AKAP19: variants seen among roughly 807,000 people sequenced by gnomAD.
AKAP19 encodes the protein A-kinase anchoring protein 19, also known as small A-kinase anchoring protein.
At chr2:190,192,967 T>A in the AKAP19 span, among the ~76,000 whole-genome samples, 1 of 152,104 alleles carries the variant, frequency 6.6e-6, no homozygotes, top group African/African-American at 2.4e-5. Context: ...AATGGCAGTT[T>A]TCTCCTTCTC....
At chr2:190,021,089 A>G in the AKAP19 span, among the ~76,000 whole-genome samples, 11 of 152,214 alleles carry the variant, frequency 7.2e-5, no homozygotes, top group African/African-American at 2.4e-4. Flanking sequence ...TACTCTGAAC[A>G]TGGATATCCA....
the AKAP19 span, chr2:190,199,956 G>C: frequency 1.2e-6 from 2 of 1,614,142 alleles, no homozygotes; most frequent in Non-Finnish European, 1.7e-6. Flanking sequence ...TGCCAGAAGA[G>C]AGATGTCTAC....
the AKAP19 span, among the ~76,000 whole-genome samples, chr2:190,045,618 G>T: frequency 6.6e-6 from 1 of 152,172 alleles, no homozygotes; most frequent in African/African-American, 2.4e-5. Context: ...AAGATGGGAA[G>T]CCCACCCCTA....
the AKAP19 span, chr2:189,923,641 G>A: frequency 1.4e-5 from 22 of 1,614,046 alleles, no homozygotes; most frequent in Middle Eastern, 1.6e-4. Flanking sequence ...GATCTGCAGC[G>A]GAGATGTACG....
At chr2:190,058,464 T>C in the AKAP19 span, among the ~76,000 whole-genome samples, 2 of 151,960 alleles carry the variant, frequency 1.3e-5, no homozygotes, top group Admixed American at 6.6e-5. Context: ...AATAATAATA[T>C]CATTTTGGGA....
chr2:189,916,640 A>T, the AKAP19 span, among the ~76,000 whole-genome samples: 1 of 152,078 alleles, frequency 6.6e-6, no homozygotes, highest in South Asian at 2.1e-4. Flanking sequence ...AATAATTTTC[A>T]TATGCCTGTA....
the AKAP19 span, chr2:189,879,799 G>C: frequency 6.6e-6 from 1 of 152,240 alleles, no homozygotes; most frequent in Non-Finnish European, 1.5e-5. Flanking sequence ...GGTTGCCAGA[G>C]CCCTTGGCCT....
chr2:190,062,640 CCTTTTA>C, the AKAP19 span: 3 of 1,589,432 alleles, frequency 1.9e-6, no homozygotes, highest in African/African-American at 1.4e-5. Context: ...CTTGTTTCTT[CCTTTTA>C]CTTTTCTTTT....
At chr2:189,885,292 T>C in the AKAP19 span, among the ~76,000 whole-genome samples, 1 of 152,256 alleles carries the variant, frequency 6.6e-6, no homozygotes, top group African/African-American at 2.4e-5. Context: ...ATGGTAACTG[T>C]GGGGAAGCTA....
At chr2:190,066,106 A>G in the AKAP19 span, among the ~76,000 whole-genome samples, 3 of 152,290 alleles carry the variant, frequency 2.0e-5, no homozygotes, top group East Asian at 5.8e-4. Flanking sequence ...CATCTCTAAA[A>G]GCAGCTTCTC....
At chr2:190,054,286 T>C in the AKAP19 span, among the ~76,000 whole-genome samples, 1 of 152,114 alleles carries the variant, frequency 6.6e-6, no homozygotes, top group Non-Finnish European at 1.5e-5. Flanking sequence ...TGGCTAGCCA[T>C]ATGTAGAAAG....
chr2:190,019,095 T>C, the AKAP19 span, among the ~76,000 whole-genome samples: 7 of 152,312 alleles, frequency 4.6e-5, no homozygotes, highest in East Asian at 3.9e-4. Context: ...CTGCTTAGGA[T>C]AGATGGCAGC....
At chr2:189,931,563 G>A in the AKAP19 span, among the ~76,000 whole-genome samples, 16 of 152,088 alleles carry the variant, frequency 1.1e-4, no homozygotes, top group South Asian at 2.1e-4. Flanking sequence ...ACAGGGTCTC[G>A]CTATGTTCCC....
chr2:190,050,249 T>A, the AKAP19 span, among the ~76,000 whole-genome samples: 1 of 152,210 alleles, frequency 6.6e-6, no homozygotes, highest in Non-Finnish European at 1.5e-5. Context: ...GTTGCCTGCC[T>A]GAGACTGGCT....
chr2:190,059,215 A>G, the AKAP19 span, among the ~76,000 whole-genome samples: 2 of 152,090 alleles, frequency 1.3e-5, no homozygotes, highest in African/African-American at 2.4e-5. Context: ...ACGTAAAAAG[A>G]TGTGATCACA....
At chr2:190,114,550 G>C in the AKAP19 span, among the ~76,000 whole-genome samples, 1 of 152,182 alleles carries the variant, frequency 6.6e-6, no homozygotes, top group Admixed American at 6.5e-5. Context: ...TCACCTCCTG[G>C]ATTCACGCCA....
the AKAP19 span, among the ~76,000 whole-genome samples, chr2:189,998,301 T>G: frequency 6.6e-6 from 1 of 152,234 alleles, no homozygotes; most frequent in Non-Finnish European, 1.5e-5. Context: ...AGCTGCATGT[T>G]AGCCCTGTCA....
At chr2:189,964,729 G>T in the AKAP19 span, among the ~76,000 whole-genome samples, 1 of 152,072 alleles carries the variant, frequency 6.6e-6, no homozygotes, top group African/African-American at 2.4e-5. Context: ...CATTTCTCCT[G>T]GAGCTTCTTT....
At chr2:189,977,417 T>C in the AKAP19 span, among the ~76,000 whole-genome samples, 1 of 152,240 alleles carries the variant, frequency 6.6e-6, no homozygotes, top group African/African-American at 2.4e-5. Context: ...ACCATCACTT[T>C]CATTCAAATA....
Sources: gnomAD v4.1 joint callset for allele counts (sites outside exome capture counted in the v4.1 genomes callset) on GRCh38, gnomAD v4.1.1 for gene constraint, MANE v1.5 for transcripts, NCBI Gene and HGNC (gene_info 2026-07-23, HGNC 2026-07-21) for gene names.